The following NCAN variants were observed in gnomAD, a reference collection of about 807,000 sequenced individuals.
NCAN encodes the protein neurocan, also known as neurocan core protein.
In NCAN, 47 loss-of-function variants were observed where a neutral mutation model predicts 121.8. The observed-to-expected ratio is 0.39, with a 90% CI of 0.31 to 0.49. NCAN has a LOEUF of 0.49. Ranked by LOEUF, NCAN falls within the 20% of genes least tolerant of loss-of-function variation. NCAN has a pLI of 0.92. For missense variants in NCAN, 1,517 were observed against 1,773.4 expected (o/e 0.86, Z 2.60); for synonymous variants, 633 against 702.0 (o/e 0.90, Z 1.55).
At chr19:19,231,588 G>A (rs1361278130) in intron 8 of NCAN, among the ~76,000 whole-genome samples, 4 of 152,050 alleles carry the variant, frequency 2.6e-5, no homozygotes, top group Non-Finnish European at 5.9e-5. Flanking sequence ...TCAGCCTCCC[G>A]AAGTGCTGGG....
intron 2 of NCAN, 80 bp from the exon 3 acceptor site, chr19:19,218,835 T>A (rs1054806044): frequency 3.8e-5 from 52 of 1,358,200 alleles, no homozygotes; most frequent in South Asian, 6.3e-5. Context: ...TTTTAAAAAA[T>A]TTTTTAAAAG....
chr19:19,228,669 G>C (rs879138422), intron 8 of NCAN, 30 bp downstream of exon 8: 1 of 1,574,530 alleles, frequency 6.4e-7, no homozygotes, highest in South Asian at 1.2e-5. Flanking sequence ...GCTCTGTCCA[G>C]CTCTCCATGG....
At position 19,238,565 on chromosome 19, in the gene NCAN, T is replaced by G. The variant is rs902896865; in HGVS notation, c.3409+154T>G. On this transcript the variant is annotated intron_variant, in intron 11 of 14. Coordinates refer to ENST00000252575, the MANE Select transcript of NCAN (RefSeq NM_004386.3). The stretch of plus-strand genomic sequence containing the variant: ...AACGCAAGCCCTGACTGCTTCTTAA[T>G]GCATGAAATCTGTCAATTCACTTGT... 8.8e-6 allele frequency: 7 copies of G among 798,684 alleles called. No homozygotes were observed. In the African/African-American group the frequency reaches 1.2e-4, roughly 14 times the overall value. 49.5% of individuals were successfully genotyped at this position (798,684 alleles called of 1,614,324 possible). A position where few individuals can be genotyped will look rare whatever the true frequency, so the allele number is the denominator to read the frequency against.
chr19:19,228,659 G>A lies in NCAN; in HGVS notation c.3019+20G>A. On this transcript the variant is annotated intron_variant, in intron 8 of 14. Coordinates refer to ENST00000252575, the MANE Select transcript of NCAN (RefSeq NM_004386.3). ...AGGAGGGTGAGTACAAAGTCCCGGGGCTCTGTCCAGCTCTCCATGGTCAGG... is the reference window on the plus strand; with the variant it reads ...AGGAGGGTGAGTACAAAGTCCCGGGACTCTGTCCAGCTCTCCATGGTCAGG... 6.3e-7 allele frequency: 1 copy of A among 1,578,410 alleles called. No homozygotes were observed. The highest frequency in any genetic ancestry group is 8.6e-7 in the Non-Finnish European group (1 of 1,158,452).
intron 1 of NCAN, 69 bp from the exon 2 acceptor site, chr19:19,216,878 C>A: frequency 1.1e-6 from 1 of 927,836 alleles, no homozygotes; most frequent in Non-Finnish European, 1.5e-6. Context: ...GAGTTTGGTC[C>A]TGCAATGCTG....
chr19:19,223,885 C>T, intron 3 of NCAN, 136 bp from the exon 4 acceptor site: 1 of 825,894 alleles, frequency 1.2e-6, no homozygotes, highest in Non-Finnish European at 1.7e-6. Flanking sequence ...GCTCCCCACC[C>T]TCGACCCACA....
Position 19,235,078 on chromosome 19 carries a change from G to A in NCAN, c.3232G>A (p.Gly1078Ser). 4 of 1,612,122 alleles carry A rather than the reference G, an allele frequency of 2.5e-6. No individual in the cohort carries two copies. The highest frequency in any genetic ancestry group is 3.4e-6 in the Non-Finnish European group (4 of 1,178,718). Reference sequence around the variant, plus strand: ...CTGCCTTTGCCTCCCCAGCTATGGGGGCAGCTTTTGTGAGAAAGGTGAGTT... The same window carrying A: ...CTGCCTTTGCCTCCCCAGCTATGGGAGCAGCTTTTGTGAGAAAGGTGAGTT... The part of the protein sequence containing the change: ...FVCLCLPSYG[G>S]SFCEKDTEGC... The change falls in exon 10 of 15, where the codon GGC (glycine) becomes AGC (serine). Residue 1078 changes from glycine to serine, a missense_variant. Physicochemically the swap from Gly to Ser is moderately conservative, Grantham distance 56. Coordinates refer to ENST00000252575, the MANE Select transcript of NCAN (RefSeq NM_004386.3).
intron 3 of NCAN, among the ~76,000 whole-genome samples, chr19:19,220,578 C>T (rs2060813041): frequency 1.3e-5 from 2 of 151,302 alleles, no homozygotes; most frequent in African/African-American, 4.9e-5. Flanking sequence ...CTGCCTCAGC[C>T]TCCTGAGTAG....
At chr19:19,243,537 A>G (rs961111753) in intron 12 of NCAN, among the ~76,000 whole-genome samples, 9 of 151,280 alleles carry the variant, frequency 5.9e-5, no homozygotes, top group Non-Finnish European at 1.2e-4. Flanking sequence ...AAAAAAAAGA[A>G]AAAGAAAAAG....
chr19:19,240,731 C>A (rs767187592), intron 12 of NCAN, 46 bp downstream of exon 12: 4 of 1,578,828 alleles, frequency 2.5e-6, no homozygotes, highest in Middle Eastern at 1.7e-4. Flanking sequence ...CCACATCAGC[C>A]CTGCCATCTG....
rs2060944766 is a variant in NCAN, at chr19:19,251,109, T to G, written c.*1198T>G. The G allele has an allele frequency of 6.6e-6, 1 of 152,180 alleles. No homozygotes were observed. The highest frequency in any genetic ancestry group is 6.6e-5 in the Admixed American group (1 of 15,262). The allele number at this position is 152,180 out of a possible 1,614,324, so 9.4% of individuals were successfully genotyped here. A position where few individuals can be genotyped will look rare whatever the true frequency, so the allele number is the denominator to read the frequency against. On this transcript the variant is annotated 3_prime_UTR_variant, in exon 15 of 15. Transcript: ENST00000252575. Reference sequence around the variant, plus strand: ...GGGGCCAGGATCCAGTTCCCTCATCTCTGGCAGGAAAGATCCACAGCTTTT... The same window carrying G: ...GGGGCCAGGATCCAGTTCCCTCATCGCTGGCAGGAAAGATCCACAGCTTTT...
rs1320494019 is a variant in NCAN at position 19,227,715 on chromosome 19, G to A, written c.2095G>A (p.Glu699Lys). 1.9e-6 allele frequency: 3 copies of A among 1,613,934 alleles called. No homozygotes were observed. Among genetic ancestry groups the A allele is most frequent in the East Asian group, 2.2e-5 (1 of 44,886 alleles). Residue 699 changes from glutamate to lysine, a missense_variant, in exon 8 of 15, where the codon GAG becomes AAG. Glu to Lys is a moderately conservative substitution (Grantham distance 56). Transcript: ENST00000252575. The surrounding 1 kb of genome is among the most constrained non-coding windows in gnomAD (Gnocchi z 4.2). Reference sequence around the variant, plus strand: ...TGGAGAGGCCATGCCCACAACACCTGAGTCCCCCAGGGCAGACTTCAGAGA... The same window carrying A: ...TGGAGAGGCCATGCCCACAACACCTAAGTCCCCCAGGGCAGACTTCAGAGA... ...QGGEAMPTTP[E>K]SPRADFRETG...
intron 8 of NCAN, chr19:19,232,955 T>TA (rs202211245): frequency 1.3e-5 from 2 of 151,536 alleles, no homozygotes; most frequent in South Asian, 4.2e-4. Flanking sequence ...TTTTTTTTTT[T>TA]ATGAGATGGA....
At chr19:19,221,226 G>A (rs1046789603) in intron 3 of NCAN, among the ~76,000 whole-genome samples, 1 of 146,744 alleles carries the variant, frequency 6.8e-6, no homozygotes, top group African/African-American at 2.5e-5. Flanking sequence ...GGGCAACACA[G>A]CAAGACCCTG....
In NCAN at chr19:19,240,595, C is replaced by T; in HGVS notation, c.3410-8C>T. On this transcript the variant is annotated splice_region_variant and splice_polypyrimidine_tract_variant and intron_variant, in intron 11 of 14. Transcript: ENST00000252575. The stretch of plus-strand genomic sequence containing the variant: ...GAACACCCAGACCCACAACCCCCGA[C>T]CCTGCAGGCTTTGGGCATGAAAACA... 6.2e-7 allele frequency: 1 copy of T among 1,614,038 alleles called. No individual in the cohort carries two copies. The highest frequency in any genetic ancestry group is 1.3e-5 in the African/African-American group (1 of 75,058).
intron 8 of NCAN, among the ~76,000 whole-genome samples, chr19:19,230,139 G>A (rs961367863): frequency 5.9e-4 from 90 of 151,752 alleles, no homozygotes; most frequent in Non-Finnish European, 2.4e-4. Context: ...CCGCCTCCCA[G>A]GTTCAAGTGA....
chr19:19,229,967 G>A (rs1009953481), intron 8 of NCAN, among the ~76,000 whole-genome samples: 3 of 152,032 alleles, frequency 2.0e-5, no homozygotes, highest in African/African-American at 7.2e-5. Context: ...GTTCCACCGC[G>A]AGACCCTGCA....
chr19:19,244,778 G>T (rs1164970274), intron 12 of NCAN, among the ~76,000 whole-genome samples: 1 of 149,082 alleles, frequency 6.7e-6, no homozygotes, highest in Non-Finnish European at 1.5e-5. Flanking sequence ...ACCCAGGCTG[G>T]AGTACAATAG....
rs201415055 is a variant in NCAN at position 19,224,387 on chromosome 19, C to T, written c.732C>T (p.Asn244=). ...LPGVRSYGRR[N]PQELYDVYCF... Reference sequence around the variant, plus strand: ...GGGTTCGGAGCTATGGGAGGCGCAACCCACAGGAACTCTACGATGTGTATT... The same window carrying T: ...GGGTTCGGAGCTATGGGAGGCGCAATCCACAGGAACTCTACGATGTGTATT... The change falls in exon 5 of 15, where the codon AAC becomes AAT. Residue 244 remains asparagine, a synonymous_variant. Coordinates refer to ENST00000252575, the MANE Select transcript of NCAN (RefSeq NM_004386.3). The T allele has an allele frequency of 4.6e-5, 74 of 1,614,030 alleles. 1 individual carries two copies. The highest frequency in any genetic ancestry group is 2.4e-4 in the African/African-American group (18 of 74,990).
Sources: allele counts gnomAD v4.1 joint callset (sites outside exome capture counted in the v4.1 genomes callset), GRCh38; gene constraint gnomAD v4.1.1; non-coding constraint Gnocchi (gnomAD v3.1); transcripts MANE v1.5; gene names NCBI Gene and HGNC (gene_info 2026-07-23, HGNC 2026-07-21).